The following CACNA1C variants were observed in gnomAD, a reference collection of about 807,000 sequenced individuals.
CACNA1C encodes the protein voltage-dependent L-type calcium channel subunit alpha-1C.
CACNA1C carries 30 observed loss-of-function variants against 229.0 expected under a neutral mutation model. The observed-to-expected ratio is 0.13, with a 90% CI of 0.10 to 0.18. The LOEUF is 0.18. CACNA1C is among the 10% of genes least tolerant of loss of function. The pLI, the probability that CACNA1C is intolerant of heterozygous loss-of-function variation, is 1.00. For synonymous variants in CACNA1C, 1,114 were observed against 1,132.5 expected, an observed-to-expected ratio of 0.98 and a Z score of 0.33; for missense variants, 1,658 against 2,845.0, an observed-to-expected ratio of 0.58 and a Z score of 9.49.
chr12:2,593,362 G>A lies in CACNA1C; in HGVS notation c.2663+17G>A. 6.2e-7 allele frequency: 1 copy of A among 1,613,050 alleles called. No individual in the cohort carries two copies. The highest frequency in any genetic ancestry group is 8.5e-7 in the Non-Finnish European group (1 of 1,179,652). On this transcript the variant is annotated intron_variant, in intron 19 of 46. Transcript: ENST00000399655. ...TAACAACAGGTGTGCAGCAATGGTG[G>A]GGAAGGTGGGGTCCTGCTCTCTCTA...
At chr12:2,066,077 C>T (rs928439213) in intron 1 of CACNA1C, among the ~76,000 whole-genome samples, 1 of 151,988 alleles carries the variant, frequency 6.6e-6, no homozygotes. Flanking sequence ...GTAGGGGAGT[C>T]GAGGCTGCAG....
chr12:2,086,225 A>C (rs1240720318), intron 1 of CACNA1C, among the ~76,000 whole-genome samples: 1 of 152,200 alleles, frequency 6.6e-6, no homozygotes, highest in African/African-American at 2.4e-5. Flanking sequence ...AGTAGTAGGC[A>C]CTTGGGATTT....
chr12:2,400,029 G>A (rs11829318), intron 3 of CACNA1C, among the ~76,000 whole-genome samples: 2,170 of 152,260 alleles, frequency 0.014, 56 homozygotes, highest in African/African-American at 0.047. Flanking sequence ...TAAAGATCTC[G>A]CCTCCTGGAG....
At chr12:2,400,181 G>A (rs1293994731) in intron 3 of CACNA1C, among the ~76,000 whole-genome samples, 1 of 152,180 alleles carries the variant, frequency 6.6e-6, no homozygotes, top group African/African-American at 2.4e-5. Flanking sequence ...TAAGAACTGA[G>A]GCTCGGGAAA....
intron 1 of CACNA1C, among the ~76,000 whole-genome samples, chr12:1,978,009 C>T (rs187435519): frequency 5.9e-5 from 9 of 152,200 alleles, no homozygotes; most frequent in Admixed American, 3.9e-4. Flanking sequence ...GCTAAGGCTC[C>T]TCTTTGCTAG....
At position 2,575,065 on chromosome 12, in the gene CACNA1C, G is replaced by A. The variant is rs1043921425; in HGVS notation, c.1896-6525G>A. On this transcript the variant is annotated intron_variant, in intron 13 of 46. Transcript: ENST00000399655. This position sits in a 1 kb window ranked among gnomAD's most constrained non-coding sequence, Gnocchi z 4.0. ...AAGCATGCTGCTAAGGCCATCCCCA[G>A]GTCCAGGCCAGACCACCTTGCCCGC... Among the ~76,000 whole-genome samples, 1 of 152,192 alleles carries A rather than the reference G, an allele frequency of 6.6e-6. No homozygotes were observed. Among genetic ancestry groups the A allele is most frequent in the Non-Finnish European group, 1.5e-5 (1 of 68,026 alleles).
At chr12:1,985,504 G>A (rs2037441899) in intron 1 of CACNA1C, among the ~76,000 whole-genome samples, 1 of 152,024 alleles carries the variant, frequency 6.6e-6, no homozygotes. Context: ...TTCTTTTCAA[G>A]AGTATCCAGT....
At chr12:2,136,013 G>A (rs1407144184) in intron 3 of CACNA1C, among the ~76,000 whole-genome samples, 10 of 150,600 alleles carry the variant, frequency 6.6e-5, no homozygotes, top group Non-Finnish European at 1.0e-4. Flanking sequence ...CTCGTGGTGC[G>A]CCGTTTTTTA....
intron 3 of CACNA1C, among the ~76,000 whole-genome samples, chr12:2,170,311 A>G (rs1053700707): frequency 6.6e-6 from 1 of 152,008 alleles, no homozygotes; most frequent in South Asian, 2.1e-4. Context: ...TAAGCCCTCT[A>G]CTCTGCTTTA....
intron 5 of CACNA1C, among the ~76,000 whole-genome samples, chr12:2,478,993 A>G (rs2099648221): frequency 2.0e-5 from 3 of 152,282 alleles, no homozygotes; most frequent in South Asian, 2.1e-4. Context: ...AGACTCTCCG[A>G]TAGTATTTTC....
chr12:1,991,301 G>GT, intron 1 of CACNA1C: 1 of 436,038 alleles, frequency 2.3e-6, no homozygotes, highest in South Asian at 1.7e-5. Context: ...ATTAAACATG[G>GT]TAAAATAAAT....
chr12:2,335,601 A>T (rs1282605266), intron 3 of CACNA1C, among the ~76,000 whole-genome samples: 2 of 152,166 alleles, frequency 1.3e-5, no homozygotes, highest in African/African-American at 2.4e-5. Context: ...CTTCTTTCAC[A>T]TGTGTCTACT....
intron 43 of CACNA1C, among the ~76,000 whole-genome samples, chr12:2,684,186 C>T (rs1603460104): frequency 6.6e-6 from 1 of 152,132 alleles, no homozygotes; most frequent in African/African-American, 2.4e-5. Context: ...GCAGAAGCAC[C>T]TCCTTTTCCC....
At chr12:2,663,931 G>A (rs1490482546) in intron 34 of CACNA1C, among the ~76,000 whole-genome samples, 2 of 151,316 alleles carry the variant, frequency 1.3e-5, no homozygotes, top group East Asian at 3.9e-4. Context: ...TAGTAGAGAC[G>A]AGGCTTCACC....
At chr12:2,503,316 T>C (rs2099764759) in intron 7 of CACNA1C, among the ~76,000 whole-genome samples, 1 of 152,226 alleles carries the variant, frequency 6.6e-6, no homozygotes, top group South Asian at 2.1e-4. Context: ...CTTGTGTGCC[T>C]TGGAAGTTTG....
Position 2,677,834 on chromosome 12 carries a change from T to G in CACNA1C, c.5058T>G (p.Ala1686=). The change falls in exon 41 of 47, where the codon GCT becomes GCG. Residue 1686 remains alanine (A), a synonymous_variant. Transcript: ENST00000399655. This position sits in a 1 kb window ranked among gnomAD's most constrained non-coding sequence, Gnocchi z 7.4. ...AGCTGGACAAGGCCATGAAGGAGGC[T>G]GTGTCCGCTGCTTCTGAAGATGACA... ...EEELDKAMKE[A]VSAASEDDIF... 6.2e-7 allele frequency: 1 copy of G among 1,614,010 alleles called. No individual in the cohort carries two copies.
intron 10 of CACNA1C, among the ~76,000 whole-genome samples, chr12:2,554,673 C>T (rs1447624352): frequency 3.3e-5 from 5 of 152,178 alleles, no homozygotes; most frequent in Non-Finnish European, 5.9e-5. Flanking sequence ...CTTTCCAGCC[C>T]AGAACCCTGG....
In CACNA1C at chr12:2,677,226, G is replaced by A. The variant is rs758948589; in HGVS notation, c.4956+5G>A. 6.2e-7 allele frequency: 1 copy of A among 1,613,070 alleles called. No homozygotes were observed. Among genetic ancestry groups the A allele is most frequent in the Non-Finnish European group, 8.5e-7 (1 of 1,179,618 alleles). Reference sequence around the variant, plus strand: ...AGGAACGCGCTGTCTCTGCAGGTGAGGGCCTGGGGGCGGGCCCACACTCCA... The same window carrying A: ...AGGAACGCGCTGTCTCTGCAGGTGAAGGCCTGGGGGCGGGCCCACACTCCA... On this transcript the variant is annotated splice_donor_5th_base_variant and intron_variant, in intron 40 of 46. Coordinates refer to ENST00000399655, the MANE Select transcript of CACNA1C (RefSeq NM_000719.7). This position sits in a 1 kb window ranked among gnomAD's most constrained non-coding sequence, Gnocchi z 7.4.
intron 3 of CACNA1C, among the ~76,000 whole-genome samples, chr12:2,219,756 A>G (rs1424797929): frequency 1.3e-5 from 2 of 152,188 alleles, no homozygotes; most frequent in Non-Finnish European, 2.9e-5. Flanking sequence ...TGCTTTCACG[A>G]ACACTGAGTG....
Sources: allele counts gnomAD v4.1 joint callset (sites outside exome capture counted in the v4.1 genomes callset), GRCh38; gene constraint gnomAD v4.1.1; non-coding constraint Gnocchi (gnomAD v3.1); transcripts MANE v1.5; gene names NCBI Gene and HGNC (gene_info 2026-07-23, HGNC 2026-07-21).